SNAP91: variants seen among roughly 807,000 people sequenced by gnomAD.
SNAP91 encodes the protein synaptosome associated protein 91, also known as clathrin coat assembly protein AP180.
In SNAP91, 27 loss-of-function variants were observed where a neutral mutation model predicts 100.3. The observed-to-expected ratio is 0.27, with a 90% CI of 0.20 to 0.37. The LOEUF is 0.37. SNAP91 is among the 10% of genes least tolerant of loss of function. The pLI is 1.00. For missense variants in SNAP91, 986 were observed against 1,123.7 expected (o/e 0.88, Z 1.75); for synonymous variants, 404 against 398.6 (o/e 1.01, Z -0.16).
chr6:83,567,016 G>A (rs923658202), intron 26 of SNAP91, among the ~76,000 whole-genome samples: 4 of 152,088 alleles, frequency 2.6e-5, no homozygotes, highest in South Asian at 2.1e-4. Context: ...ATAGCTCACC[G>A]TAGGCTCAAA....
chr6:83,648,435 G>A (rs2098052345), intron 7 of SNAP91, among the ~76,000 whole-genome samples: 1 of 151,142 alleles, frequency 6.6e-6, no homozygotes, highest in East Asian at 1.9e-4. Context: ...GTCCTTGTAT[G>A]GATACTGGTT....
chr6:83,668,950 G>A (rs955936684), intron 2 of SNAP91, among the ~76,000 whole-genome samples: 2 of 151,916 alleles, frequency 1.3e-5, no homozygotes, highest in Admixed American at 1.3e-4. Context: ...AATCCTACTG[G>A]ACATCATAGC....
Position 83,601,545 on chromosome 6 carries a change from G to A in SNAP91, c.1156+40C>T, listed in dbSNP as rs16871626. 9,402 of 1,612,456 alleles carry A rather than the reference G, an allele frequency of 5.8e-3. 373 individuals are homozygous for A. The African/African-American group carries it at 0.095, about 16-fold the overall frequency. On this transcript the variant is annotated intron_variant, in intron 15 of 29. Coordinates refer to ENST00000369694, the MANE Select transcript of SNAP91 (RefSeq NM_001242792.2). ...ATAAGGACAGTTGTTACATACAGAA[G>A]TCTGTCAAAATGGAAGTTTAAAAAC...
chr6:83,699,823 T>C (rs909685174), intron 2 of SNAP91, among the ~76,000 whole-genome samples: 1 of 152,184 alleles, frequency 6.6e-6, no homozygotes, highest in Non-Finnish European at 1.5e-5. Context: ...GGTAGACAGA[T>C]AAATTCTCCT....
At chr6:83,660,054 T>C (rs990815950) in intron 5 of SNAP91, among the ~76,000 whole-genome samples, 3 of 152,132 alleles carry the variant, frequency 2.0e-5, no homozygotes, top group African/African-American at 4.8e-5. Flanking sequence ...CTGAAGAAAA[T>C]ACCCAGATGA....
chr6:83,604,112 T>C (rs1426807635), intron 14 of SNAP91, among the ~76,000 whole-genome samples: 1 of 152,190 alleles, frequency 6.6e-6, no homozygotes, highest in Non-Finnish European at 1.5e-5. Context: ...TTCAGTTTCA[T>C]GCCAGGGAAT....
chr6:83,683,878 T>C (rs2099025436), intron 2 of SNAP91, among the ~76,000 whole-genome samples: 6 of 152,202 alleles, frequency 3.9e-5, no homozygotes, highest in Admixed American at 3.9e-4. Context: ...CCTTGTCTTC[T>C]TTCTTGTTTT....
intron 26 of SNAP91, 107 bp downstream of exon 26, chr6:83,574,903 A>T: frequency 1.5e-6 from 1 of 659,426 alleles, no homozygotes; most frequent in Non-Finnish European, 2.6e-6. Flanking sequence ...TTCAATGCAG[A>T]GGAATAAGTA....
intron 6 of SNAP91, among the ~76,000 whole-genome samples, chr6:83,657,556 T>C (rs2098437552): frequency 6.6e-6 from 1 of 152,184 alleles, no homozygotes; most frequent in South Asian, 2.1e-4. Flanking sequence ...AATAAGATGG[T>C]TTGCTGCTTT....
intron 26 of SNAP91, among the ~76,000 whole-genome samples, chr6:83,562,336 T>C (rs1789207338): frequency 6.6e-6 from 1 of 152,116 alleles, no homozygotes; most frequent in Non-Finnish European, 1.5e-5. Flanking sequence ...TTATACACCA[T>C]GACCAGGTTT....
intron 8 of SNAP91, among the ~76,000 whole-genome samples, chr6:83,626,897 T>C (rs1434155105): frequency 6.6e-6 from 1 of 152,090 alleles, no homozygotes; most frequent in Non-Finnish European, 1.5e-5. Context: ...TTATGCTGAA[T>C]AGTAGTGGTG....
At chr6:83,658,864 A>G (rs2098469140) in intron 6 of SNAP91, 135 bp downstream of exon 6, 1 of 663,378 alleles carries the variant, frequency 1.5e-6, no homozygotes, top group Non-Finnish European at 2.6e-6. Flanking sequence ...CGAGCTTAAC[A>G]GCCTGAACTA....
At chr6:83,641,686 C>T (rs2097709484) in intron 7 of SNAP91, among the ~76,000 whole-genome samples, 1 of 152,116 alleles carries the variant, frequency 6.6e-6, no homozygotes, top group African/African-American at 2.4e-5. Context: ...TAAGTTGATA[C>T]TTGCTTTTAT....
intron 8 of SNAP91, among the ~76,000 whole-genome samples, chr6:83,633,914 G>A (rs1294081393): frequency 6.7e-6 from 1 of 149,814 alleles, no homozygotes; most frequent in Admixed American, 6.7e-5. Flanking sequence ...AATCAGCATG[G>A]ACACAGGAAG....
At chr6:83,654,454 C>G (rs1168026149) in intron 7 of SNAP91, among the ~76,000 whole-genome samples, 1 of 152,164 alleles carries the variant, frequency 6.6e-6, no homozygotes, top group African/African-American at 2.4e-5. Context: ...CCTACCCAGA[C>G]TTTTCAAGGA....
chr6:83,677,751 C>G (rs1227333538), intron 2 of SNAP91, among the ~76,000 whole-genome samples: 3 of 152,134 alleles, frequency 2.0e-5, no homozygotes, highest in Non-Finnish European at 4.4e-5. Context: ...ATTTTATCCT[C>G]TTTTGAGTGT....
At chr6:83,574,245 AAC>A (rs1813943117) in intron 26 of SNAP91, among the ~76,000 whole-genome samples, 1 of 152,226 alleles carries the variant, frequency 6.6e-6, no homozygotes, top group African/African-American at 2.4e-5. Context: ...AGTTTTGCTA[AAC>A]ACAGAGTGCA....
intron 8 of SNAP91, among the ~76,000 whole-genome samples, chr6:83,624,623 TG>T (rs757580214): frequency 1.3e-5 from 2 of 152,074 alleles, no homozygotes; most frequent in African/African-American, 2.4e-5. Context: ...TAATTCTTGT[TG>T]GGGGGTGTCT....
At chr6:83,686,250 C>A (rs989163848) in intron 2 of SNAP91, 128 of 935,772 alleles carry the variant, frequency 1.4e-4, no homozygotes, top group Non-Finnish European at 1.6e-4. Flanking sequence ...ATTAGATGAA[C>A]CCTCACAGGT....
Sources: gnomAD v4.1 joint callset for allele counts (sites outside exome capture counted in the v4.1 genomes callset) on GRCh38, gnomAD v4.1.1 for gene constraint, MANE v1.5 for transcripts, NCBI Gene and HGNC (gene_info 2026-07-23, HGNC 2026-07-21) for gene names.